The following DTNBP1 variants were observed in gnomAD, a reference collection of about 807,000 sequenced individuals.
The protein encoded by DTNBP1 is dysbindin.
In DTNBP1, 35 loss-of-function variants were observed where a neutral mutation model predicts 42.8. The ratio of observed to expected loss-of-function variants is 0.82; its 90% confidence interval spans 0.63 to 1.09. The LOEUF (loss-of-function observed/expected upper bound fraction) is 1.09. DTNBP1 is among the 50% of genes least tolerant of loss of function. DTNBP1 has a pLI of 0.00. For synonymous variants in DTNBP1, 171 were observed against 162.2 expected (o/e 1.05, Z -0.41); for missense variants, 457 against 424.2 (o/e 1.08, Z -0.68).
chr6:15,525,766 A>G (rs6937379), intron 8 of DTNBP1, among the ~76,000 whole-genome samples: 124,174 of 152,172 alleles, frequency 0.82, 51,012 homozygotes, highest in East Asian at 1. Flanking sequence ...ACAAGAGAGC[A>G]TAAAAGGTAC....
intron 6 of DTNBP1, among the ~76,000 whole-genome samples, chr6:15,611,063 A>G (rs532606914): frequency 1.3e-5 from 2 of 152,354 alleles, no homozygotes; most frequent in South Asian, 4.1e-4. Flanking sequence ...AGCTAGAGAG[A>G]GGAAGTCCAT....
rs779694263 is a variant in DTNBP1, at chr6:15,627,578, C to T, written c.223-103G>A. The T allele has an allele frequency of 7.2e-5, 108 of 1,495,586 alleles. 1 individual carries two copies. The African/African-American group carries it at 7.4e-4, about 10-fold the overall frequency. The allele number at this position is 1,495,586 out of a possible 1,614,324, so 92.6% of individuals were successfully genotyped here. On this transcript the variant is annotated intron_variant, in intron 4 of 9. Transcript: ENST00000344537. ...AATGTTATCTTTAACAACCCCTCTA[C>T]TCAGTAGAGATTACGGTACATTCTA...
intron 6 of DTNBP1, among the ~76,000 whole-genome samples, chr6:15,607,063 T>C (rs1272862281): frequency 6.8e-6 from 1 of 147,956 alleles, no homozygotes; most frequent in African/African-American, 2.5e-5. Context: ...CAGGCTGGAG[T>C]GCAGTGGTGT....
intron 8 of DTNBP1, among the ~76,000 whole-genome samples, chr6:15,529,858 C>T (rs922556460): frequency 6.6e-6 from 1 of 152,276 alleles, no homozygotes; most frequent in Admixed American, 6.5e-5. Context: ...CTAATTATAT[C>T]CTAACGGCAT....
intron 7 of DTNBP1, among the ~76,000 whole-genome samples, chr6:15,560,279 C>T (rs2113470263): frequency 6.6e-6 from 1 of 151,936 alleles, no homozygotes; most frequent in South Asian, 2.1e-4. Flanking sequence ...GCACTCCAGC[C>T]TGGGCAACGG....
intron 8 of DTNBP1, among the ~76,000 whole-genome samples, 157 bp downstream of exon 8, chr6:15,533,079 AAGAG>A (rs1446451240): frequency 6.6e-6 from 1 of 152,188 alleles, no homozygotes; most frequent in African/African-American, 2.4e-5. Flanking sequence ...AAAGCAGGGC[AAGAG>A]AGAGGTGGCC....
chr6:15,558,548 T>C (rs1017993348), intron 7 of DTNBP1, among the ~76,000 whole-genome samples: 1 of 152,198 alleles, frequency 6.6e-6, no homozygotes, highest in African/African-American at 2.4e-5. Flanking sequence ...ATTACAGGTA[T>C]GAGCCAACAT....
At chr6:15,633,882 A>G (rs1759838824) in intron 4 of DTNBP1, among the ~76,000 whole-genome samples, 1 of 152,326 alleles carries the variant, frequency 6.6e-6, no homozygotes, top group East Asian at 1.9e-4. Flanking sequence ...TAAGCAATAC[A>G]GTATTTTTTA....
Position 15,524,616 on chromosome 6 carries a change from T to C in DTNBP1, c.721A>G (p.Met241Val), listed in dbSNP as rs1399408240. ...MEVNVDMLEQ[M>V]DLMDISDQEA... ...TGGTCCGATATGTCCATCAGGTCCA[T>C]CTGCTCCAGCATGTCCACGTTCACT... Residue 241 changes from methionine (M) to valine (V), a missense_variant, in exon 9 of 10, where the codon ATG becomes GTG. Physicochemically the swap from Met to Val is conservative, Grantham distance 21. Transcript: ENST00000344537. The C allele has an allele frequency of 6.8e-6, 11 of 1,613,826 alleles. No individual in the cohort carries two copies. The highest frequency in any genetic ancestry group is 1.3e-5 in the African/African-American group (1 of 74,926).
chr6:15,577,369 G>A (rs1245492151), intron 7 of DTNBP1, among the ~76,000 whole-genome samples: 1 of 152,246 alleles, frequency 6.6e-6, no homozygotes, highest in Non-Finnish European at 1.5e-5. Flanking sequence ...AGGAAGCCCA[G>A]GGAGGATGCC....
chr6:15,562,475 G>T (rs1347633054), intron 7 of DTNBP1, among the ~76,000 whole-genome samples: 9 of 152,192 alleles, frequency 5.9e-5, no homozygotes, highest in African/African-American at 2.2e-4. Context: ...TTAGTTTTCT[G>T]AGCAAGACAC....
intron 7 of DTNBP1, among the ~76,000 whole-genome samples, chr6:15,565,060 G>A (rs904144661): frequency 6.6e-5 from 10 of 152,152 alleles, no homozygotes; most frequent in Non-Finnish European, 1.5e-4. Flanking sequence ...GAGCAGAGAT[G>A]GCACCACTGC....
chr6:15,592,561 A>G (rs1305305159), intron 7 of DTNBP1, among the ~76,000 whole-genome samples: 1 of 152,184 alleles, frequency 6.6e-6, no homozygotes, highest in Non-Finnish European at 1.5e-5. Flanking sequence ...ATCTCAGAAT[A>G]TATTTCATCT....
At position 15,587,627 on chromosome 6, in the gene DTNBP1, TC is replaced by T. The variant is rs529565373; in HGVS notation, c.511+5431del. Among the ~76,000 whole-genome samples, 212 of 152,218 alleles carry T rather than the reference TC, an allele frequency of 1.4e-3. 1 individual carries two copies. The highest frequency in any genetic ancestry group is 5.0e-3 in the African/African-American group (207 of 41,508). On this transcript the variant is annotated intron_variant, in intron 7 of 9. Coordinates refer to ENST00000344537, the MANE Select transcript of DTNBP1 (RefSeq NM_032122.5). The surrounding 1 kb of genome is among the most constrained non-coding windows in gnomAD (Gnocchi z 4.1). ...TTTCCTACAAAGGTGCCAAAGCAAT[TC>T]AATGGGGAAAAGAAGCTCTTTTCAA...
chr6:15,652,538 C>T (rs370480503), intron 1 of DTNBP1, among the ~76,000 whole-genome samples: 1 of 146,728 alleles, frequency 6.8e-6, no homozygotes, highest in Non-Finnish European at 1.5e-5. Flanking sequence ...AGATAAGCTA[C>T]TTTTTTTTTT....
At chr6:15,534,352 G>A (rs1773079599) in intron 7 of DTNBP1, among the ~76,000 whole-genome samples, 1 of 152,138 alleles carries the variant, frequency 6.6e-6, no homozygotes, top group South Asian at 2.1e-4. Context: ...CTTTACCACA[G>A]TAAAAAGTTG....
chr6:15,613,064 T>C (rs946791903), intron 6 of DTNBP1, among the ~76,000 whole-genome samples: 5 of 151,980 alleles, frequency 3.3e-5, no homozygotes, highest in Non-Finnish European at 5.9e-5. Context: ...TCCCAGCACT[T>C]TGGGAGGCTG....
At chr6:15,532,140 G>A (rs896677899) in intron 8 of DTNBP1, among the ~76,000 whole-genome samples, 1 of 152,232 alleles carries the variant, frequency 6.6e-6, no homozygotes, top group Non-Finnish European at 1.5e-5. Context: ...GGGAGGGCAG[G>A]AAAACAGGGC....
intron 8 of DTNBP1, among the ~76,000 whole-genome samples, chr6:15,530,897 A>T (rs1357694902): frequency 6.6e-6 from 1 of 152,106 alleles, no homozygotes; most frequent in African/African-American, 2.4e-5. Context: ...GCCAGGGTGT[A>T]TCTGTATGGA....
Sources: allele counts gnomAD v4.1 joint callset (sites outside exome capture counted in the v4.1 genomes callset), GRCh38; gene constraint gnomAD v4.1.1; non-coding constraint Gnocchi (gnomAD v3.1); transcripts MANE v1.5; gene names NCBI Gene and HGNC (gene_info 2026-07-23, HGNC 2026-07-21).